NACC2: variants seen among roughly 807,000 people sequenced by gnomAD.
NACC2 encodes the protein nucleus accumbens-associated protein 2.
NACC2 carries 8 observed loss-of-function variants against 25.1 expected under a neutral mutation model. That is an observed-to-expected ratio of 0.32 (90% confidence interval 0.19 to 0.57). The LOEUF is 0.57. Ranked by LOEUF, NACC2 falls within the 20% of genes least tolerant of loss-of-function variation. The pLI is 0.89. For synonymous variants in NACC2, 435 were observed against 294.7 expected (o/e 1.48, Z -4.88); for missense variants, 644 against 650.2 (o/e 0.99, Z 0.10).
At position 136,084,190 on chromosome 9, in the gene NACC2, A is replaced by G. The variant is rs1830354340; in HGVS notation, c.-60+10999T>C. ...AGCAGTGGGTTCCGATGAGACCCTC[A>G]ACACCCACTCACCAACCTGCAGCCT... On this transcript the variant is annotated intron_variant, in intron 1 of 5. Transcript: ENST00000277554. The surrounding 1 kb of genome is among the most constrained non-coding windows in gnomAD (Gnocchi z 5.1). 6.6e-6 allele frequency among the ~76,000 whole-genome samples: 1 copy of G among 152,018 alleles called. No homozygotes were observed. The highest frequency in any genetic ancestry group is 6.5e-5 in the Admixed American group (1 of 15,268).
chr9:136,040,458 G>T (rs2131153918), intron 2 of NACC2, among the ~76,000 whole-genome samples: 1 of 152,136 alleles, frequency 6.6e-6, no homozygotes, highest in Admixed American at 6.5e-5. Flanking sequence ...GGAGAACGGA[G>T]AAATACATGC....
At chr9:136,031,994 G>A (rs1564224731) in intron 2 of NACC2, among the ~76,000 whole-genome samples, 1 of 150,496 alleles carries the variant, frequency 6.6e-6, no homozygotes. Flanking sequence ...AATGAATGGG[G>A]GGCAAGGGTC....
chr9:136,040,577 T>C (rs1488189647), intron 2 of NACC2, among the ~76,000 whole-genome samples: 1 of 152,004 alleles, frequency 6.6e-6, no homozygotes, highest in African/African-American at 2.4e-5. Flanking sequence ...TTATTCAAAA[T>C]AGCCAACAAG....
intron 1 of NACC2, among the ~76,000 whole-genome samples, chr9:136,094,525 G>C (rs1312407602): frequency 6.6e-6 from 1 of 152,086 alleles, no homozygotes; most frequent in South Asian, 2.1e-4. Flanking sequence ...GAAGGAGCTG[G>C]GGCCCCCCGA....
intron 2 of NACC2, among the ~76,000 whole-genome samples, chr9:136,039,802 G>A (rs1026616653): frequency 6.6e-6 from 1 of 152,192 alleles, no homozygotes; most frequent in Admixed American, 6.5e-5. Context: ...GACATCACAC[G>A]TAACAAAGAA....
At chr9:136,070,032 G>T (rs904283039) in intron 1 of NACC2, among the ~76,000 whole-genome samples, 2 of 151,834 alleles carry the variant, frequency 1.3e-5, no homozygotes. Flanking sequence ...CATATGCCAA[G>T]ACAGACAATA....
At chr9:136,052,797 T>C (rs1840866470) in intron 1 of NACC2, among the ~76,000 whole-genome samples, 1 of 152,238 alleles carries the variant, frequency 6.6e-6, no homozygotes, top group African/African-American at 2.4e-5. Context: ...AGGCTGCACC[T>C]CCTGCCCAAG....
At position 136,057,152 on chromosome 9, in the gene NACC2, G is replaced by T. The variant is rs553501617; in HGVS notation, c.-59-6572C>A. ...GCCCGTGGCGTTGGCTCTGCCGGGG[G>T]TCTGGTCCAGGGGCCTGTGTGACTG... On this transcript the variant is annotated intron_variant, in intron 1 of 5. Coordinates refer to ENST00000277554, the MANE Select transcript of NACC2 (RefSeq NM_144653.5). Among the ~76,000 whole-genome samples the T allele has an allele frequency of 2.9e-3, 449 of 152,338 alleles. 2 individuals carry two copies. The highest frequency in any genetic ancestry group is 0.01 in the African/African-American group (421 of 41,566).
intron 1 of NACC2, among the ~76,000 whole-genome samples, chr9:136,072,997 TA>T (rs1258542144): frequency 2.0e-5 from 3 of 152,088 alleles, no homozygotes; most frequent in Non-Finnish European, 4.4e-5. Flanking sequence ...AAAAAACTGA[TA>T]AACTGGACTT....
intron 1 of NACC2, among the ~76,000 whole-genome samples, chr9:136,067,544 C>T (rs1017241181): frequency 2.0e-5 from 3 of 151,974 alleles, no homozygotes; most frequent in Non-Finnish European, 4.4e-5. Flanking sequence ...TGCACTTAAA[C>T]GATGCTCGAT....
chr9:136,013,754 C>T lies in NACC2; in HGVS notation c.1157+110G>A, dbSNP rs550949921. ...CCGGCCACGGCTGAAGTCAGGAATG[C>T]GAGAGGGCTTTCAATGCCACAACCC... On this transcript the variant is annotated intron_variant, in intron 4 of 5. Transcript: ENST00000277554. The surrounding 1 kb of genome is among the most constrained non-coding windows in gnomAD (Gnocchi z 6.6). 4.7e-5 allele frequency: 45 copies of T among 964,940 alleles called. No homozygotes were observed. In the East Asian group the frequency reaches 4.8e-4, roughly 10 times the overall value. The allele number at this position is 964,940 out of a possible 1,614,324, so 59.8% of individuals were successfully genotyped here.
intron 1 of NACC2, among the ~76,000 whole-genome samples, chr9:136,083,047 T>G (rs1046646381): frequency 6.6e-6 from 1 of 152,178 alleles, no homozygotes; most frequent in Non-Finnish European, 1.5e-5. Flanking sequence ...ACCAGATTGA[T>G]CTCCTGACGA....
chr9:136,028,676 C>A (rs946792431), intron 2 of NACC2, among the ~76,000 whole-genome samples: 2 of 152,212 alleles, frequency 1.3e-5, no homozygotes, highest in African/African-American at 4.8e-5. Flanking sequence ...GAGTTCCACC[C>A]TCCCAGGCGC....
intron 2 of NACC2, among the ~76,000 whole-genome samples, chr9:136,037,428 T>C (rs7041980): frequency 0.76 from 114,696 of 151,474 alleles, 43,910 homozygotes; most frequent in Middle Eastern, 0.82. Flanking sequence ...AGTTTGCATA[T>C]TCATTACTAA....
chr9:136,093,247 C>CGCT (rs1255638556), intron 1 of NACC2, among the ~76,000 whole-genome samples: 2 of 152,224 alleles, frequency 1.3e-5, no homozygotes, highest in Non-Finnish European at 2.9e-5. Flanking sequence ...CTGGAAGAAC[C>CGCT]GCTCAGCACC....
intron 2 of NACC2, among the ~76,000 whole-genome samples, chr9:136,039,432 C>T (rs1840597809): frequency 6.6e-6 from 1 of 152,214 alleles, no homozygotes; most frequent in African/African-American, 2.4e-5. Flanking sequence ...ACTTCAACAA[C>T]ATCAAGCTTA....
intron 2 of NACC2, among the ~76,000 whole-genome samples, chr9:136,046,623 T>A (rs914733552): frequency 1.3e-5 from 2 of 152,174 alleles, no homozygotes; most frequent in Admixed American, 1.3e-4. Context: ...CTCGGCCCCA[T>A]CAACCTCACA....
At chr9:136,073,424 T>C (rs10776876) in intron 1 of NACC2, among the ~76,000 whole-genome samples, 33,524 of 151,398 alleles carry the variant, frequency 0.22, 4,062 homozygotes, top group East Asian at 0.4. Flanking sequence ...AGCAAGACTG[T>C]CTCAAAAAAA....
chr9:136,078,970 G>A (rs1006287002), intron 1 of NACC2, among the ~76,000 whole-genome samples: 19 of 151,824 alleles, frequency 1.3e-4, no homozygotes, highest in African/African-American at 4.1e-4. Flanking sequence ...ATGATGCCGC[G>A]CCGCCGCCGC....
Sources: allele counts gnomAD v4.1 joint callset (sites outside exome capture counted in the v4.1 genomes callset), GRCh38; gene constraint gnomAD v4.1.1; non-coding constraint Gnocchi (gnomAD v3.1); transcripts MANE v1.5; gene names NCBI Gene and HGNC (gene_info 2026-07-23, HGNC 2026-07-21).